The following PTPRG variants were observed in gnomAD, a reference collection of about 807,000 sequenced individuals.
PTPRG encodes protein tyrosine phosphatase receptor type G, also known as receptor-type tyrosine-protein phosphatase gamma.
PTPRG carries 102 observed loss-of-function variants against 165.3 expected under a neutral mutation model. The ratio of observed to expected loss-of-function variants is 0.62; its 90% confidence interval spans 0.53 to 0.73. The LOEUF (loss-of-function observed/expected upper bound fraction) is 0.73. Among genes scored for constraint, PTPRG ranks in the 30% least tolerant of loss-of-function variants. PTPRG has a pLI of 0.00. For missense variants in PTPRG, 1,866 were observed against 1,861.4 expected (o/e 1.00, Z -0.05); for synonymous variants, 675 against 669.5 (o/e 1.01, Z -0.13).
At chr3:61,741,718 T>C (rs1388480617) in intron 1 of PTPRG, among the ~76,000 whole-genome samples, 1 of 152,186 alleles carries the variant, frequency 6.6e-6, no homozygotes. Flanking sequence ...TCGACATGGC[T>C]GGTTCAATAC....
At chr3:62,064,500 T>TCC (rs34547959) in intron 4 of PTPRG, among the ~76,000 whole-genome samples, 1 of 151,770 alleles carries the variant, frequency 6.6e-6, no homozygotes, top group African/African-American at 2.4e-5. Flanking sequence ...ATTTCTTCCT[T>TCC]CCCCTCCGTA....
intron 2 of PTPRG, among the ~76,000 whole-genome samples, chr3:61,842,096 T>C (rs946805878): frequency 6.6e-6 from 1 of 152,228 alleles, no homozygotes; most frequent in African/African-American, 2.4e-5. Flanking sequence ...AACACAGTTA[T>C]AAGAACCAAT....
chr3:61,625,451 T>A (rs539354410), intron 1 of PTPRG, among the ~76,000 whole-genome samples: 1 of 152,318 alleles, frequency 6.6e-6, no homozygotes, highest in East Asian at 1.9e-4. Context: ...TTCTGGAATC[T>A]AAGGGCTTGT....
chr3:62,233,493 G>A lies in PTPRG; in HGVS notation c.2375+2182G>A, dbSNP rs1408109555. 6.6e-6 allele frequency among the ~76,000 whole-genome samples: 1 copy of A among 152,160 alleles called. No individual in the cohort carries two copies. Among genetic ancestry groups the A allele is most frequent in the Non-Finnish European group, 1.5e-5 (1 of 68,018 alleles). On this transcript the variant is annotated intron_variant, in intron 14 of 29. Transcript: ENST00000474889. The surrounding 1 kb of genome is among the most constrained non-coding windows in gnomAD (Gnocchi z 4.7). ...GCTTCTGCAGGAGGCTGGAATGCAA[G>A]CCCTTCAACCAGGCTCTCTCTCACC...
chr3:61,931,269 C>T (rs915126930), intron 2 of PTPRG, among the ~76,000 whole-genome samples: 14 of 152,198 alleles, frequency 9.2e-5, no homozygotes, highest in African/African-American at 3.4e-4. Context: ...CGATGTTGAG[C>T]GCATTTTCAC....
intron 5 of PTPRG, among the ~76,000 whole-genome samples, chr3:62,094,844 G>C (rs766168290): frequency 6.6e-6 from 1 of 152,242 alleles, no homozygotes; most frequent in African/African-American, 2.4e-5. Flanking sequence ...CCCAGAAGCA[G>C]TTCTGCTCAT....
chr3:61,920,499 A>G (rs981901001), intron 2 of PTPRG, among the ~76,000 whole-genome samples: 2 of 152,096 alleles, frequency 1.3e-5, no homozygotes, highest in African/African-American at 4.8e-5. Context: ...GGGTTCAAGT[A>G]ATTCTCCTGC....
At chr3:61,665,779 G>T (rs1044209580) in intron 1 of PTPRG, among the ~76,000 whole-genome samples, 1 of 152,038 alleles carries the variant, frequency 6.6e-6, no homozygotes, top group Non-Finnish European at 1.5e-5. Context: ...AGTGAACTAT[G>T]GTCATGCTAC....
chr3:61,801,046 G>A (rs920269052), intron 2 of PTPRG, among the ~76,000 whole-genome samples: 1 of 152,132 alleles, frequency 6.6e-6, no homozygotes, highest in Non-Finnish European at 1.5e-5. Context: ...CCCTGGCACC[G>A]CCTGCCGTAG....
At chr3:62,281,038 G>C (rs1702412603) in intron 26 of PTPRG, among the ~76,000 whole-genome samples, 2 of 151,806 alleles carry the variant, frequency 1.3e-5, no homozygotes, top group Non-Finnish European at 2.9e-5. Context: ...TGAGATGATG[G>C]GTATGTTAAT....
intron 8 of PTPRG, among the ~76,000 whole-genome samples, chr3:62,170,216 A>G (rs1705164578): frequency 6.6e-6 from 1 of 152,002 alleles, no homozygotes; most frequent in Non-Finnish European, 1.5e-5. Flanking sequence ...GCCGTGGAAA[A>G]CCTCACATGA....
intron 1 of PTPRG, chr3:61,659,446 A>G (rs1575570507): frequency 1.2e-5 from 12 of 985,204 alleles, no homozygotes; most frequent in Non-Finnish European, 1.3e-5. Flanking sequence ...AAGCCTTTGC[A>G]GGTTTGTCCA....
Position 62,203,023 on chromosome 3 carries a change from T to C in PTPRG, c.1378-150T>C. On this transcript the variant is annotated intron_variant, in intron 11 of 29. Transcript: ENST00000474889. This position sits in a 1 kb window ranked among gnomAD's most constrained non-coding sequence, Gnocchi z 6.4. ...CCCATGGACCACCTAATGTCAACTTTATGCCATACATTGGAAAACTCCATA... is the reference window on the plus strand; with the variant it reads ...CCCATGGACCACCTAATGTCAACTTCATGCCATACATTGGAAAACTCCATA... 1 of 1,355,660 alleles carries C rather than the reference T, an allele frequency of 7.4e-7. No individual in the cohort carries two copies. The highest frequency in any genetic ancestry group is 1.5e-5 in the African/African-American group (1 of 68,292). 84.0% of individuals were successfully genotyped at this position (1,355,660 alleles called of 1,614,324 possible). A position where few individuals can be genotyped will look rare whatever the true frequency, so the allele number is the denominator to read the frequency against.
At chr3:61,939,800 C>T (rs2039568235) in intron 2 of PTPRG, among the ~76,000 whole-genome samples, 1 of 152,104 alleles carries the variant, frequency 6.6e-6, no homozygotes, top group South Asian at 2.1e-4. Context: ...GCACCATGTG[C>T]AGCTCCATGG....
intron 1 of PTPRG, among the ~76,000 whole-genome samples, chr3:61,611,224 A>G (rs1021067132): frequency 1.3e-5 from 2 of 152,226 alleles, no homozygotes; most frequent in African/African-American, 2.4e-5. Flanking sequence ...TGAAGGTATC[A>G]TATACCGCTG....
At chr3:61,807,368 C>T (rs1018727643) in intron 2 of PTPRG, among the ~76,000 whole-genome samples, 14 of 152,276 alleles carry the variant, frequency 9.2e-5, no homozygotes, top group South Asian at 2.1e-4. Flanking sequence ...AGTTTACATC[C>T]GGTCTGTCTC....
intron 2 of PTPRG, among the ~76,000 whole-genome samples, chr3:61,762,573 T>G (rs920624421): frequency 6.6e-6 from 1 of 152,216 alleles, no homozygotes; most frequent in African/African-American, 2.4e-5. Flanking sequence ...ATCATGCCCC[T>G]GTACTCCAGC....
chr3:61,674,906 G>T (rs116254718), intron 1 of PTPRG, among the ~76,000 whole-genome samples: 2 of 152,142 alleles, frequency 1.3e-5, no homozygotes, highest in Non-Finnish European at 2.9e-5. Flanking sequence ...AAAAACAGCT[G>T]GGTGAAAGTC....
chr3:62,175,247 A>T (rs138837646), intron 8 of PTPRG, among the ~76,000 whole-genome samples: 1 of 152,212 alleles, frequency 6.6e-6, no homozygotes, highest in Non-Finnish European at 1.5e-5. Flanking sequence ...TTCTTTTCAT[A>T]TGTCAGACAT....
Sources: allele counts gnomAD v4.1 joint callset (sites outside exome capture counted in the v4.1 genomes callset), GRCh38; gene constraint gnomAD v4.1.1; non-coding constraint Gnocchi (gnomAD v3.1); transcripts MANE v1.5; gene names NCBI Gene and HGNC (gene_info 2026-07-23, HGNC 2026-07-21).